USP13: variants seen among roughly 807,000 people sequenced by gnomAD.
The protein encoded by USP13 is ubiquitin specific peptidase 13.
In USP13, 68 loss-of-function variants were observed where a neutral mutation model predicts 107.8. The observed-to-expected ratio is 0.63, with a 90% CI of 0.52 to 0.77. The LOEUF (loss-of-function observed/expected upper bound fraction) is 0.77, where lower values mean the gene tolerates loss of function less well. USP13 is among the 30% of genes least tolerant of loss of function. USP13 has a pLI of 0.00. For synonymous variants in USP13, 377 were observed against 389.5 expected (o/e 0.97, Z 0.38); for missense variants, 945 against 1,093.3 (o/e 0.86, Z 1.91).
rs748095258 is a variant in USP13, at chr3:179,742,206, A to G, written c.1390A>G (p.Ile464Val). 6.2e-7 allele frequency: 1 copy of G among 1,614,252 alleles called. No homozygotes were observed. Among genetic ancestry groups the G allele is most frequent in the Admixed American group, 1.7e-5 (1 of 60,034 alleles). ...ACAATCCATCCTTCAGAGGAACCGC[A>G]TCGGCTCAGAAAACCCAAGCGATGT... Reference protein sequence around the residue: ...HLVNLVERNRIGSENPSDVFR... With the variant: ...HLVNLVERNRVGSENPSDVFR... Residue 464 changes from isoleucine to valine, a missense_variant, in exon 12 of 21, where the codon ATC becomes GTC. By Grantham distance (29) the Ile-to-Val change is conservative (BLOSUM62 3). Transcript: ENST00000263966. The surrounding 1 kb of genome is among the most constrained non-coding windows in gnomAD (Gnocchi z 5.0).
At chr3:179,714,447 G>A (rs1459140029) in intron 6 of USP13, among the ~76,000 whole-genome samples, 1 of 152,176 alleles carries the variant, frequency 6.6e-6, no homozygotes, top group African/African-American at 2.4e-5. Context: ...CTGCTGCTCT[G>A]TCATGGTACT....
At chr3:179,701,905 G>A (rs111762681) in intron 4 of USP13, among the ~76,000 whole-genome samples, 28 of 152,292 alleles carry the variant, frequency 1.8e-4, no homozygotes, top group Non-Finnish European at 3.2e-4. Context: ...GCTGGAAGTG[G>A]GCGCAGAGTT....
At chr3:179,710,407 T>C (rs1283108856) in intron 6 of USP13, among the ~76,000 whole-genome samples, 1 of 152,226 alleles carries the variant, frequency 6.6e-6, no homozygotes, top group African/African-American at 2.4e-5. Flanking sequence ...CGACTTTCTA[T>C]GCTGTCTTGT....
chr3:179,774,213 G>C (rs1234591672), intron 19 of USP13, among the ~76,000 whole-genome samples: 1 of 152,014 alleles, frequency 6.6e-6, no homozygotes, highest in Non-Finnish European at 1.5e-5. Flanking sequence ...AATAGAGTGA[G>C]AACTCACTTA....
chr3:179,737,605 G>A (rs1045708661), intron 10 of USP13, among the ~76,000 whole-genome samples: 2 of 152,204 alleles, frequency 1.3e-5, no homozygotes, highest in Non-Finnish European at 2.9e-5. Flanking sequence ...TTGTCAGGTA[G>A]TAAAATTAAT....
chr3:179,690,230 T>C lies in USP13; in HGVS notation c.295-11T>C. On this transcript the variant is annotated splice_polypyrimidine_tract_variant and intron_variant, in intron 2 of 20. Coordinates refer to ENST00000263966, the MANE Select transcript of USP13 (RefSeq NM_003940.3). Reference sequence around the variant, plus strand: ...AGGCCGCATTTTAATGATCTTTTGTTTTCTTTTCAGAAGGTAAGAGGGGCG... The same window carrying C: ...AGGCCGCATTTTAATGATCTTTTGTCTTCTTTTCAGAAGGTAAGAGGGGCG... The C allele has an allele frequency of 6.2e-7, 1 of 1,612,104 alleles. No homozygotes were observed. Among genetic ancestry groups the C allele is most frequent in the Non-Finnish European group, 8.5e-7 (1 of 1,179,452 alleles).
intron 19 of USP13, among the ~76,000 whole-genome samples, chr3:179,778,328 T>C (rs1244971352): frequency 6.6e-6 from 1 of 152,256 alleles, no homozygotes; most frequent in Admixed American, 6.5e-5. Context: ...ATTTAACAGA[T>C]ACTTATTAAG....
intron 3 of USP13, among the ~76,000 whole-genome samples, chr3:179,700,714 T>G (rs1182983833): frequency 6.6e-6 from 1 of 152,234 alleles, no homozygotes; most frequent in Non-Finnish European, 1.5e-5. Context: ...TCTGAGAAAT[T>G]CCTTCTGAGA....
At chr3:179,726,682 CT>C (rs35001051) in intron 8 of USP13, among the ~76,000 whole-genome samples, 113,242 of 144,224 alleles carry the variant, frequency 0.79, 44,522 homozygotes, top group East Asian at 0.92. Context: ...CCCTGGTAGG[CT>C]TTTTTTTTTT....
chr3:179,784,275 C>T lies in USP13; in HGVS notation c.*134C>T, dbSNP rs552798591. 2.9e-5 allele frequency: 19 copies of T among 659,166 alleles called. No homozygotes were observed. Among genetic ancestry groups the T allele is most frequent in the South Asian group, 1.5e-4 (7 of 46,300 alleles). 40.8% of individuals were successfully genotyped at this position (659,166 alleles called of 1,614,324 possible). On this transcript the variant is annotated 3_prime_UTR_variant, in exon 21 of 21. Transcript: ENST00000263966. Reference sequence around the variant, plus strand: ...GTATTTATCGTTTATTTAAAGAGCACGATCAGTTGACACCTTCTGAAATAG... The same window carrying T: ...GTATTTATCGTTTATTTAAAGAGCATGATCAGTTGACACCTTCTGAAATAG...
intron 10 of USP13, among the ~76,000 whole-genome samples, chr3:179,736,780 C>G (rs1256455988): frequency 1.3e-5 from 2 of 152,340 alleles, no homozygotes; most frequent in East Asian, 1.9e-4. Flanking sequence ...TGAAACTTCT[C>G]CTTCTGGTTG....
chr3:179,753,512 G>A (rs1560075139), intron 14 of USP13, among the ~76,000 whole-genome samples: 1 of 152,168 alleles, frequency 6.6e-6, no homozygotes, highest in Admixed American at 6.5e-5. Context: ...TGGAATTTCT[G>A]TAAAGGAATA....
In USP13 at chr3:179,708,883, A is replaced by T. The variant is rs768010948; in HGVS notation, c.731A>T (p.His244Leu). 5 of 1,614,102 alleles carry T rather than the reference A, an allele frequency of 3.1e-6. No homozygotes were observed. Among genetic ancestry groups the T allele is most frequent in the Non-Finnish European group, 4.2e-6 (5 of 1,180,016 alleles). ...WFFDSSGGNG[H>L]ALEHYRDMGY... Reference sequence around the variant, plus strand: ...TTTGACAGCTCTGGGGGCAACGGGCATGCGCTGGAGCATTACAGAGACATG... The same window carrying T: ...TTTGACAGCTCTGGGGGCAACGGGCTTGCGCTGGAGCATTACAGAGACATG... Residue 244 changes from histidine to leucine, a missense_variant, in exon 6 of 21, where the codon CAT becomes CTT. Physicochemically the swap from His to Leu is moderately conservative, Grantham distance 99. Transcript: ENST00000263966.
Position 179,742,252 on chromosome 3 carries a change from A to C in USP13, c.1436A>C (p.Glu479Ala). 1 of 1,614,236 alleles carries C rather than the reference A, an allele frequency of 6.2e-7. No homozygotes were observed. The highest frequency in any genetic ancestry group is 8.5e-7 in the Non-Finnish European group (1 of 1,180,046). Residue 479 changes from glutamate (E) to alanine (A), a missense_variant, in exon 12 of 21, where the codon GAA becomes GCA. By Grantham distance (107) the Glu-to-Ala change is moderately radical. Coordinates refer to ENST00000263966, the MANE Select transcript of USP13 (RefSeq NM_003940.3). The surrounding 1 kb of genome is among the most constrained non-coding windows in gnomAD (Gnocchi z 5.0). The stretch of plus-strand genomic sequence containing the variant: ...GATGTTTTTCGTTTTTTGGTGGAAG[A>C]ACGCATTCAGTGCTGTCAGACCCGG... ...PSDVFRFLVE[E>A]RIQCCQTRKV...
chr3:179,723,484 C>T (rs1362192054), intron 8 of USP13, among the ~76,000 whole-genome samples: 1 of 152,094 alleles, frequency 6.6e-6, no homozygotes, highest in African/African-American at 2.4e-5. Flanking sequence ...ATGGTACATT[C>T]CATGATGGAG....
rs1439105932 is a variant in USP13 at position 179,721,659 on chromosome 3, G to C, written c.1088+70G>C. On this transcript the variant is annotated intron_variant, in intron 8 of 20. Transcript: ENST00000263966. The surrounding 1 kb of genome is among the most constrained non-coding windows in gnomAD (Gnocchi z 4.3). Reference sequence around the variant, plus strand: ...CCCATCTAGGTCCAGTCCACTCAGTGTGCGCTGCGAAGCCCATCTTTATTG... The same window carrying C: ...CCCATCTAGGTCCAGTCCACTCAGTCTGCGCTGCGAAGCCCATCTTTATTG... 1 of 1,520,504 alleles carries C rather than the reference G, an allele frequency of 6.6e-7. No individual in the cohort carries two copies. Among genetic ancestry groups the C allele is most frequent in the African/African-American group, 1.4e-5 (1 of 72,692 alleles). The allele number at this position is 1,520,504 out of a possible 1,614,324, so 94.2% of individuals were successfully genotyped here.
chr3:179,681,248 A>G (rs1008727814), intron 1 of USP13, among the ~76,000 whole-genome samples: 1 of 152,144 alleles, frequency 6.6e-6, no homozygotes, highest in African/African-American at 2.4e-5. Context: ...AGTTACAGAG[A>G]AACGCCACAC....
In USP13 at chr3:179,784,611, A is replaced by T; in HGVS notation, c.*470A>T. On this transcript the variant is annotated 3_prime_UTR_variant, in exon 21 of 21. Transcript: ENST00000263966. ...TGGGTGGGGCTTTATTTGTGACATA[A>T]TTTTTTTCATGACATACAATAATTT... 1 of 154,552 alleles carries T rather than the reference A, an allele frequency of 6.5e-6. No individual in the cohort carries two copies. Among genetic ancestry groups the T allele is most frequent in the East Asian group, 1.9e-4 (1 of 5,236 alleles). 9.6% of individuals were successfully genotyped at this position (154,552 alleles called of 1,614,324 possible).
At chr3:179,768,574 T>G (rs1715251679) in intron 19 of USP13, among the ~76,000 whole-genome samples, 1 of 152,202 alleles carries the variant, frequency 6.6e-6, no homozygotes, top group South Asian at 2.1e-4. Flanking sequence ...AACATTTAAT[T>G]ATGAAGACAG....
Sources: allele counts gnomAD v4.1 joint callset (sites outside exome capture counted in the v4.1 genomes callset), GRCh38; gene constraint gnomAD v4.1.1; non-coding constraint Gnocchi (gnomAD v3.1); transcripts MANE v1.5; gene names NCBI Gene and HGNC (gene_info 2026-07-23, HGNC 2026-07-21).